The following R3HCC1L variants were observed in gnomAD, a reference collection of about 807,000 sequenced individuals.
R3HCC1L encodes the protein R3H domain and coiled-coil containing 1 like.
In R3HCC1L, 51 loss-of-function variants were observed where a neutral mutation model predicts 59.9. The ratio of observed to expected loss-of-function variants is 0.85; its 90% CI spans 0.68 to 1.07. The LOEUF (loss-of-function observed/expected upper bound fraction) is 1.07. Ranked by LOEUF, R3HCC1L falls within the 50% of genes least tolerant of loss-of-function variation. The pLI is 0.00. For synonymous variants in R3HCC1L, 322 were observed against 315.2 expected (o/e 1.02, Z -0.23); for missense variants, 965 against 933.0 (o/e 1.03, Z -0.45).
chr10:98,159,493 G>A (rs1002590093), intron 2 of R3HCC1L, among the ~76,000 whole-genome samples: 1 of 152,114 alleles, frequency 6.6e-6, no homozygotes, highest in Non-Finnish European at 1.5e-5. Context: ...TCCTGTCACT[G>A]TTTGAACTTT....
chr10:98,221,780 A>G (rs914491568), intron 5 of R3HCC1L, among the ~76,000 whole-genome samples: 2 of 152,174 alleles, frequency 1.3e-5, no homozygotes, highest in African/African-American at 4.8e-5. Flanking sequence ...TGGTTACTGT[A>G]GCCTTGTAAT....
At chr10:98,172,254 T>C (rs938585321) in intron 4 of R3HCC1L, among the ~76,000 whole-genome samples, 3 of 152,154 alleles carry the variant, frequency 2.0e-5, no homozygotes, top group African/African-American at 2.4e-5. Context: ...ATGAACTGGC[T>C]AGTAAAAAAT....
chr10:98,160,852 T>TC (rs1028353530), intron 2 of R3HCC1L, among the ~76,000 whole-genome samples: 2 of 152,150 alleles, frequency 1.3e-5, no homozygotes, highest in African/African-American at 2.4e-5. Flanking sequence ...CATGTGTTTT[T>TC]CCCCCCTCAG....
chr10:98,214,214 G>A (rs190206117), intron 5 of R3HCC1L, among the ~76,000 whole-genome samples: 479 of 152,092 alleles, frequency 3.1e-3, no homozygotes, highest in Non-Finnish European at 5.3e-3. Flanking sequence ...AACAGTTCTG[G>A]GCCTGTATTG....
Position 98,209,463 on chromosome 10 carries a change from GTA to G in R3HCC1L, c.1351_1352del (p.Ile451PhefsTer30), listed in dbSNP as rs768426224. On this transcript the variant is annotated frameshift_variant, in exon 5 of 10. Transcript: ENST00000298999. LOFTEE classifies it high-confidence loss of function. ...GCTTGCTCAGATATTTATGGTGAGAGTATTTCATCTCATTTTACAGAGTCAAC... is the reference window on the plus strand; with the variant it reads ...GCTTGCTCAGATATTTATGGTGAGAGTTTCATCTCATTTTACAGAGTCAAC... 2 of 1,613,616 alleles carry G rather than the reference GTA, an allele frequency of 1.2e-6. No individual in the cohort carries two copies. Among genetic ancestry groups the G allele is most frequent in the Non-Finnish European group, 1.7e-6 (2 of 1,179,990 alleles).
intron 9 of R3HCC1L, among the ~76,000 whole-genome samples, chr10:98,237,658 A>T (rs979801021): frequency 6.6e-6 from 1 of 152,160 alleles, no homozygotes; most frequent in African/African-American, 2.4e-5. Flanking sequence ...GTGAATAGAG[A>T]CCCACTGTGA....
chr10:98,234,515 A>G lies in R3HCC1L; in HGVS notation c.2031A>G (p.Thr677=). 1 of 1,610,552 alleles carries G rather than the reference A, an allele frequency of 6.2e-7. No homozygotes were observed. Among genetic ancestry groups the G allele is most frequent in the Non-Finnish European group, 8.5e-7 (1 of 1,177,188 alleles). Residue 677 remains threonine, a splice_region_variant and synonymous_variant, in exon 7 of 10, where the codon ACA becomes ACG. Transcript: ENST00000298999. ...HALGVFSSPI[T]ARDALGIKHT... ...TAGGAGTATTCTCCAGTCCAATTACAGGTATTCACCCAGTGGCTTTCAATC... is the reference window on the plus strand; with the variant it reads ...TAGGAGTATTCTCCAGTCCAATTACGGGTATTCACCCAGTGGCTTTCAATC...
At position 98,164,895 on chromosome 10, in the gene R3HCC1L, A is replaced by G. The variant is rs116432900; in HGVS notation, c.-15+1498A>G. 5.9e-3 allele frequency among the ~76,000 whole-genome samples: 894 copies of G among 152,324 alleles called. 5 individuals carry two copies. Among genetic ancestry groups the G allele is most frequent in the African/African-American group, 0.021 (855 of 41,560 alleles). The stretch of plus-strand genomic sequence containing the variant: ...TTCTGCTAATACAGCTGTGAAATAA[A>G]CAGCTAGAAGGTGGGGTGGAAATAG... On this transcript the variant is annotated intron_variant, in intron 4 of 9. Coordinates refer to ENST00000298999, the MANE Select transcript of R3HCC1L (RefSeq NM_001351015.2).
At chr10:98,224,433 C>T (rs570851130) in intron 5 of R3HCC1L, among the ~76,000 whole-genome samples, 7 of 152,116 alleles carry the variant, frequency 4.6e-5, no homozygotes, top group Non-Finnish European at 8.8e-5. Context: ...TATCCCTCTG[C>T]GAATAGGCAT....
At chr10:98,165,482 G>T (rs1260783503) in intron 4 of R3HCC1L, among the ~76,000 whole-genome samples, 2 of 152,144 alleles carry the variant, frequency 1.3e-5, no homozygotes, top group Non-Finnish European at 2.9e-5. Flanking sequence ...CAATGGCTAG[G>T]CCTTTATCTC....
intron 5 of R3HCC1L, among the ~76,000 whole-genome samples, chr10:98,229,234 A>C (rs1185106313): frequency 4.6e-5 from 7 of 152,136 alleles, no homozygotes; most frequent in Non-Finnish European, 1.0e-4. Flanking sequence ...ATGTTCTTCC[A>C]TTTGTTTGTA....
At chr10:98,172,907 G>T (rs541816801) in intron 4 of R3HCC1L, among the ~76,000 whole-genome samples, 1 of 152,188 alleles carries the variant, frequency 6.6e-6, no homozygotes. Context: ...TACAAGTTGA[G>T]CAGACCCTTT....
rs1490063025 is a variant in R3HCC1L, at chr10:98,190,708, G to A, written c.-14-17393G>A. On this transcript the variant is annotated intron_variant, in intron 4 of 9. Transcript: ENST00000298999. ...TACAGTACATGTGCACAACCTGCACGTTTGATACATAGGTATGCATGTGCC... is the reference window on the plus strand; with the variant it reads ...TACAGTACATGTGCACAACCTGCACATTTGATACATAGGTATGCATGTGCC... Among the ~76,000 whole-genome samples, 7 of 152,190 alleles carry A rather than the reference G, an allele frequency of 4.6e-5. No individual in the cohort carries two copies. In the East Asian group the frequency reaches 7.7e-4, roughly 17 times the overall value.
At chr10:98,145,020 A>G (rs1395640716) in intron 1 of R3HCC1L, among the ~76,000 whole-genome samples, 1 of 152,248 alleles carries the variant, frequency 6.6e-6, no homozygotes, top group Non-Finnish European at 1.5e-5. Flanking sequence ...ATGAGTAGTA[A>G]GGAGATAGGA....
chr10:98,227,835 G>T (rs1403674880), intron 5 of R3HCC1L, among the ~76,000 whole-genome samples: 1 of 149,314 alleles, frequency 6.7e-6, no homozygotes, highest in African/African-American at 2.5e-5. Flanking sequence ...TGTGATGTTT[G>T]GTTTTTTGTC....
chr10:98,217,160 C>T (rs1036790846), intron 5 of R3HCC1L, among the ~76,000 whole-genome samples: 13 of 152,202 alleles, frequency 8.5e-5, no homozygotes, highest in African/African-American at 1.7e-4. Context: ...TCAGGTCTTA[C>T]GTTTAAGTCA....
intron 4 of R3HCC1L, among the ~76,000 whole-genome samples, chr10:98,164,638 C>G (rs1847759930): frequency 6.6e-6 from 1 of 151,996 alleles, no homozygotes; most frequent in South Asian, 2.1e-4. Context: ...TGGGAAAATG[C>G]TGTACTAACA....
chr10:98,209,822 A>C lies in R3HCC1L; in HGVS notation c.1708A>C (p.Ile570Leu). ...KATETSHTEGITAIEESWESM... is the reference protein window; with the variant it reads ...KATETSHTEGLTAIEESWESM... ...AACTGAAACTTCTCACACAGAGGGAATTACTGCCATTGAGGAGAGCTGGGA... is the reference window on the plus strand; with the variant it reads ...AACTGAAACTTCTCACACAGAGGGACTTACTGCCATTGAGGAGAGCTGGGA... The change falls in exon 5 of 10, where the codon ATT becomes CTT. Residue 570 changes from isoleucine (I) to leucine (L), a missense_variant. Ile to Leu is a conservative substitution (Grantham distance 5). Transcript: ENST00000298999. 1.2e-6 allele frequency: 2 copies of C among 1,613,840 alleles called. No individual in the cohort carries two copies. Among genetic ancestry groups the C allele is most frequent in the Non-Finnish European group, 1.7e-6 (2 of 1,179,774 alleles).
chr10:98,233,460 C>T (rs993607149), intron 6 of R3HCC1L, among the ~76,000 whole-genome samples: 73 of 152,106 alleles, frequency 4.8e-4, no homozygotes, highest in African/African-American at 1.7e-3. Flanking sequence ...TATTAGATGC[C>T]CATGAAGTGC....
Sources: allele counts gnomAD v4.1 joint callset (sites outside exome capture counted in the v4.1 genomes callset), GRCh38; gene constraint gnomAD v4.1.1; transcripts MANE v1.5; gene names NCBI Gene and HGNC (gene_info 2026-07-23, HGNC 2026-07-21).